Variants in RNF175 observed in about 807,000 individuals in gnomAD.
RNF175 encodes the protein ring finger protein 175.
A neutral mutation model predicts 50.0 loss-of-function variants in RNF175; 38 were observed. The ratio of observed to expected loss-of-function variants is 0.76; its 90% CI spans 0.59 to 1.00. The LOEUF (loss-of-function observed/expected upper bound fraction) is 1.00, where lower values mean the gene tolerates loss of function less well. RNF175 is among the 50% of genes least tolerant of loss of function. The probability of loss-of-function intolerance (pLI) is 0.00; values close to 1 mark genes in which losing one functional copy is unlikely to be tolerated. For missense variants in RNF175, 388 were observed against 409.6 expected (o/e 0.95, Z 0.46); for synonymous variants, 155 against 146.1 (o/e 1.06, Z -0.44).
intron 5 of RNF175, among the ~76,000 whole-genome samples, chr4:153,720,917 C>T (rs533969503): frequency 1.3e-5 from 2 of 152,240 alleles, no homozygotes; most frequent in South Asian, 4.1e-4. Flanking sequence ...AATGATCTTT[C>T]CTAACAAGTG....
chr4:153,714,099 A>G (rs1737757669), intron 7 of RNF175: 2 of 152,254 alleles, frequency 1.3e-5, no homozygotes, highest in African/African-American at 4.8e-5. Context: ...ACTACATTTT[A>G]GATTATATAT....
chr4:153,747,740 T>C (rs918475975), intron 3 of RNF175, among the ~76,000 whole-genome samples: 1 of 152,250 alleles, frequency 6.6e-6, no homozygotes, highest in Non-Finnish European at 1.5e-5. Context: ...TTCCAGCCTC[T>C]GCCCAATTAC....
chr4:153,726,862 G>A (rs1241331417), intron 4 of RNF175, among the ~76,000 whole-genome samples: 2 of 152,168 alleles, frequency 1.3e-5, no homozygotes, highest in Admixed American at 1.3e-4. Flanking sequence ...CTATCCTCTA[G>A]GGCTTGGAGT....
rs1437241658 is a variant in RNF175, at chr4:153,751,452, T to G, written c.90A>C (p.Ala30=). The part of the protein sequence containing the change: ...QEQLSHTKLS[A]EDTWNLQQER... ...TAATTACTTACTTCCATGTGTCTTC[T>G]GCAGAAAGCTTTGTATGAGAGAGCT... The change falls in exon 2 of 9, where the codon GCA becomes GCC. Residue 30 remains alanine (A), a synonymous_variant. Coordinates refer to ENST00000347063, the MANE Select transcript of RNF175 (RefSeq NM_173662.4). 2 of 1,557,402 alleles carry G rather than the reference T, an allele frequency of 1.3e-6. No homozygotes were observed. The highest frequency in any genetic ancestry group is 1.2e-5 in the South Asian group (1 of 82,654).
chr4:153,717,648 A>G (rs902447494), intron 6 of RNF175, among the ~76,000 whole-genome samples: 2 of 152,180 alleles, frequency 1.3e-5, no homozygotes, highest in Non-Finnish European at 2.9e-5. Context: ...TGGTATCAAA[A>G]TTGTTAACCC....
At chr4:153,729,737 C>A (rs1028081056) in intron 3 of RNF175, 1 of 983,484 alleles carries the variant, frequency 1.0e-6, no homozygotes, top group African/African-American at 1.7e-5. Context: ...TGCTCTGAAT[C>A]TTCTTTCAGA....
intron 4 of RNF175, among the ~76,000 whole-genome samples, chr4:153,726,095 GTGTTTTGTTTT>G (rs1181104594): frequency 6.6e-6 from 1 of 151,862 alleles, no homozygotes; most frequent in Non-Finnish European, 1.5e-5. Flanking sequence ...GTGTGTGTGT[GTGTTTTGTTTT>G]TGTTTTGTTT....
At position 153,712,533 on chromosome 4, in the gene RNF175, T is replaced by C. The variant is rs774478741; in HGVS notation, c.808A>G (p.Lys270Glu). The change falls in exon 8 of 9, where the codon AAG becomes GAG. Residue 270 changes from lysine to glutamate, a missense_variant. Coordinates refer to ENST00000347063, the MANE Select transcript of RNF175 (RefSeq NM_173662.4). Reference protein sequence around the residue: ...CIRGWCIVGKKQTCPYCKEKV... With the variant: ...CIRGWCIVGKEQTCPYCKEKV... ...TCTTTGCAGTAAGGGCAAGTCTGCT[T>C]TTTCCCAACGATACACCAACCTCGG... is the stretch of plus-strand genomic sequence containing the variant. 64 of 1,613,492 alleles carry C rather than the reference T, an allele frequency of 4.0e-5. No homozygotes were observed. The highest frequency in any genetic ancestry group is 5.3e-5 in the Non-Finnish European group (63 of 1,179,558).
At chr4:153,711,540 C>T (rs897951386) in intron 8 of RNF175, among the ~76,000 whole-genome samples, 1 of 152,180 alleles carries the variant, frequency 6.6e-6, no homozygotes, top group African/African-American at 2.4e-5. Context: ...TGGTGAGGAA[C>T]AGGGGAGCAG....
At chr4:153,751,362 T>C (rs1699802517) in intron 2 of RNF175, 76 bp downstream of exon 2, 3 of 1,026,802 alleles carry the variant, frequency 2.9e-6, no homozygotes, top group Middle Eastern at 2.7e-4. Flanking sequence ...AATGATGACT[T>C]CATTCATTTT....
chr4:153,726,229 C>T (rs59661591), intron 4 of RNF175, among the ~76,000 whole-genome samples: 4,895 of 152,124 alleles, frequency 0.032, 208 homozygotes, highest in Middle Eastern at 0.1. Flanking sequence ...CTCAGCCTCC[C>T]GAGTAGCTGG....
At chr4:153,733,043 T>G (rs1739131182) in intron 3 of RNF175, among the ~76,000 whole-genome samples, 1 of 152,202 alleles carries the variant, frequency 6.6e-6, no homozygotes, top group South Asian at 2.1e-4. Flanking sequence ...AATAAACCAT[T>G]TCTTTTGCTT....
chr4:153,714,805 A>C (rs1737801693), intron 7 of RNF175: 1 of 153,112 alleles, frequency 6.5e-6, no homozygotes, highest in Non-Finnish European at 1.5e-5. Context: ...GTTCACATAG[A>C]ATGCTGGTTT....
At chr4:153,733,071 C>T (rs1739133232) in intron 3 of RNF175, among the ~76,000 whole-genome samples, 1 of 152,024 alleles carries the variant, frequency 6.6e-6, no homozygotes, top group Non-Finnish European at 1.5e-5. Flanking sequence ...TTATAATAAG[C>T]TGCTCTGATG....
At chr4:153,734,063 A>G (rs1213866752) in intron 3 of RNF175, among the ~76,000 whole-genome samples, 3 of 152,216 alleles carry the variant, frequency 2.0e-5, no homozygotes, top group Non-Finnish European at 4.4e-5. Flanking sequence ...ATTGAATAGT[A>G]TTCCATTGCA....
intron 6 of RNF175, among the ~76,000 whole-genome samples, chr4:153,716,208 C>T (rs756440546): frequency 1.1e-4 from 16 of 152,060 alleles, no homozygotes; most frequent in Admixed American, 2.0e-4. Flanking sequence ...ACCCAAAGCA[C>T]ATTGCCAATT....
intron 3 of RNF175, among the ~76,000 whole-genome samples, chr4:153,745,255 T>A (rs540047266): frequency 8.5e-5 from 13 of 152,204 alleles, no homozygotes; most frequent in Non-Finnish European, 1.6e-4. Flanking sequence ...TTGTTAGACA[T>A]GCAAATTCTT....
At chr4:153,755,330 T>C (rs1226414520) in intron 1 of RNF175, among the ~76,000 whole-genome samples, 1 of 152,264 alleles carries the variant, frequency 6.6e-6, no homozygotes, top group Non-Finnish European at 1.5e-5. Flanking sequence ...AGCCTGCCTG[T>C]CAACAGGCTT....
intron 6 of RNF175, among the ~76,000 whole-genome samples, chr4:153,719,536 T>G (rs1268457535): frequency 6.6e-6 from 1 of 152,216 alleles, no homozygotes; most frequent in Non-Finnish European, 1.5e-5. Flanking sequence ...TAAATGCCCC[T>G]GATATCTGAA....
Sources: allele counts gnomAD v4.1 joint callset (sites outside exome capture counted in the v4.1 genomes callset), GRCh38; gene constraint gnomAD v4.1.1; transcripts MANE v1.5; gene names NCBI Gene and HGNC (gene_info 2026-07-23, HGNC 2026-07-21).